Variants in RNF182 observed in about 807,000 individuals in gnomAD.
RNF182 encodes the protein ring finger protein 182, also known as E3 ubiquitin-protein ligase RNF182.
In RNF182, 15 loss-of-function variants were observed where a neutral mutation model predicts 14.4. The observed-to-expected ratio is 1.04, with a 90% CI of 0.70 to 1.60. RNF182 has a LOEUF of 1.60. RNF182 is among the 40% of genes most tolerant of loss of function. The probability of loss-of-function intolerance (pLI) is 0.00; values close to 1 mark genes in which losing one functional copy is unlikely to be tolerated. For synonymous variants in RNF182, 128 were observed against 122.9 expected, an observed-to-expected ratio of 1.04 and a Z score of -0.27; for missense variants, 268 against 294.8, an observed-to-expected ratio of 0.91 and a Z score of 0.67.
chr6:13,944,288 G>T (rs942115642), intron 1 of RNF182, among the ~76,000 whole-genome samples: 2 of 152,164 alleles, frequency 1.3e-5, no homozygotes, highest in Non-Finnish European at 2.9e-5. Flanking sequence ...AGTTATTTTG[G>T]CTTAAGAAAT....
chr6:13,978,166 G>A lies in RNF182; in HGVS notation c.*303G>A, dbSNP rs956652866. 2 of 310,654 alleles carry A rather than the reference G, an allele frequency of 6.4e-6. No individual in the cohort carries two copies. Among genetic ancestry groups the A allele is most frequent in the African/African-American group, 4.3e-5 (2 of 46,728 alleles). 19.2% of individuals were successfully genotyped at this position (310,654 alleles called of 1,614,324 possible). On this transcript the variant is annotated 3_prime_UTR_variant, in exon 3 of 3. Coordinates refer to ENST00000488300, the MANE Select transcript of RNF182 (RefSeq NM_152737.4). ...CAGACAGACGGCAGGGGTGTGGTGT[G>A]TTATACTATAGGGAGAGCATGGATC...
At chr6:13,973,775 T>C (rs773137461) in intron 1 of RNF182, among the ~76,000 whole-genome samples, 1 of 152,216 alleles carries the variant, frequency 6.6e-6, no homozygotes, top group Non-Finnish European at 1.5e-5. Flanking sequence ...ATTAGCAGCA[T>C]GAGAATGGAC....
At chr6:13,935,363 C>G (rs920181131) in intron 1 of RNF182, among the ~76,000 whole-genome samples, 1 of 151,864 alleles carries the variant, frequency 6.6e-6, no homozygotes, top group Non-Finnish European at 1.5e-5. Flanking sequence ...AGATGTAGTC[C>G]CCGTATGTTG....
At position 13,941,809 on chromosome 6, in the gene RNF182, G is replaced by C. The variant is rs145459475; in HGVS notation, c.-367+16786G>C. Reference sequence around the variant, plus strand: ...TGGTGTAGTGTTATTAGAATACTTTGACTCTATAAACCCCTTGCTCTTTTT... The same window carrying C: ...TGGTGTAGTGTTATTAGAATACTTTCACTCTATAAACCCCTTGCTCTTTTT... On this transcript the variant is annotated intron_variant, in intron 1 of 2. Coordinates refer to ENST00000488300, the MANE Select transcript of RNF182 (RefSeq NM_152737.4). Among the ~76,000 whole-genome samples the C allele has an allele frequency of 8.9e-4, 136 of 152,108 alleles. 1 individual carries two copies. The highest frequency in any genetic ancestry group is 1.4e-3 in the Non-Finnish European group (98 of 67,976).
intron 1 of RNF182, among the ~76,000 whole-genome samples, chr6:13,960,612 G>GGCT (rs1759845281): frequency 6.6e-6 from 1 of 152,010 alleles, no homozygotes; most frequent in Non-Finnish European, 1.5e-5. Flanking sequence ...TTTCAGCCAT[G>GGCT]GCTTTGGGAG....
At chr6:13,931,552 T>TG (rs1311228167) in intron 1 of RNF182, among the ~76,000 whole-genome samples, 1 of 152,074 alleles carries the variant, frequency 6.6e-6, no homozygotes, top group South Asian at 2.1e-4. Flanking sequence ...TGATAACTCC[T>TG]GGGGGGGAAA....
chr6:13,960,692 T>TGTGTGTGTGTGCGCGCGC (rs367625022), intron 1 of RNF182, among the ~76,000 whole-genome samples: 80 of 137,804 alleles, frequency 5.8e-4, no homozygotes, highest in African/African-American at 1.9e-3. Context: ...TGTGTGTGTG[T>TGTGTGTGTGTGCGCGCGC]GCGCGCGTGC....
At chr6:13,943,552 C>T (rs765169295) in intron 1 of RNF182, among the ~76,000 whole-genome samples, 28 of 152,140 alleles carry the variant, frequency 1.8e-4, no homozygotes, top group Non-Finnish European at 3.2e-4. Context: ...TATCTTACCG[C>T]CTTGGAACTG....
upstream of RNF182, chr6:13,924,704 G>C (rs145799352): frequency 1.3e-5 from 2 of 152,076 alleles, no homozygotes; most frequent in African/African-American, 4.8e-5. Context: ...GGCTCGCTCC[G>C]CTTTAGCCTT....
intron 1 of RNF182, among the ~76,000 whole-genome samples, chr6:13,965,152 C>G (rs1235003154): frequency 6.6e-6 from 1 of 152,168 alleles, no homozygotes; most frequent in African/African-American, 2.4e-5. Flanking sequence ...GCAGATGCAG[C>G]ACAAGAAGAC....
At chr6:13,933,484 A>T (rs941673789) in intron 1 of RNF182, among the ~76,000 whole-genome samples, 2 of 151,902 alleles carry the variant, frequency 1.3e-5, no homozygotes, top group East Asian at 1.9e-4. Context: ...TGATTATTCC[A>T]CTGCACTCCA....
intron 1 of RNF182, among the ~76,000 whole-genome samples, chr6:13,928,510 A>C (rs1435872640): frequency 6.6e-6 from 1 of 152,188 alleles, no homozygotes; most frequent in Non-Finnish European, 1.5e-5. Flanking sequence ...TTAATTTTGT[A>C]ATGTTTTTTT....
rs1362080723 is a variant in RNF182 at position 13,978,920 on chromosome 6, C to A, written c.*1057C>A. 4 of 167,146 alleles carry A rather than the reference C, an allele frequency of 2.4e-5. No individual in the cohort carries two copies. The East Asian group carries it at 7.7e-4, about 32-fold the overall frequency. The allele number at this position is 167,146 out of a possible 1,614,324, so 10.4% of individuals were successfully genotyped here. ...CTGAGAACCTAAGTATTTTGCTGTA[C>A]GGTACTGAGCTGTACCAAAATATGA... On this transcript the variant is annotated 3_prime_UTR_variant, in exon 3 of 3. Coordinates refer to ENST00000488300, the MANE Select transcript of RNF182 (RefSeq NM_152737.4).
chr6:13,972,803 G>T (rs1452876856), intron 1 of RNF182, among the ~76,000 whole-genome samples: 2 of 152,158 alleles, frequency 1.3e-5, no homozygotes, highest in Non-Finnish European at 2.9e-5. Context: ...CTGCAGGGGT[G>T]GGGCCCTCAT....
At chr6:13,938,267 T>C (rs1351258867) in intron 1 of RNF182, among the ~76,000 whole-genome samples, 2 of 143,728 alleles carry the variant, frequency 1.4e-5, no homozygotes, top group Non-Finnish European at 3.0e-5. Flanking sequence ...TCTGCCAACC[T>C]CGCCCTCCCA....
chr6:13,948,722 T>G (rs1489118232), intron 1 of RNF182, among the ~76,000 whole-genome samples: 1 of 152,178 alleles, frequency 6.6e-6, no homozygotes, highest in Non-Finnish European at 1.5e-5. Context: ...TGTTATAAAA[T>G]AGAATCTCAG....
intron 1 of RNF182, among the ~76,000 whole-genome samples, chr6:13,943,589 C>T (rs1183572627): frequency 3.9e-5 from 6 of 152,238 alleles, no homozygotes; most frequent in Non-Finnish European, 1.5e-5. Flanking sequence ...TGCCTGTCCC[C>T]CTCTGTGAAT....
At chr6:13,927,551 A>G (rs1278310871) in intron 1 of RNF182, among the ~76,000 whole-genome samples, 2 of 152,236 alleles carry the variant, frequency 1.3e-5, no homozygotes, top group South Asian at 2.1e-4. Flanking sequence ...ACCTGAAAGA[A>G]TTCTGTAATT....
intron 1 of RNF182, among the ~76,000 whole-genome samples, chr6:13,973,643 A>G (rs985363740): frequency 2.0e-5 from 3 of 152,142 alleles, no homozygotes; most frequent in South Asian, 2.1e-4. Flanking sequence ...CCGCCATGTA[A>G]GACATGCCTT....
Sources: gnomAD v4.1 joint callset for allele counts (sites outside exome capture counted in the v4.1 genomes callset) on GRCh38, gnomAD v4.1.1 for gene constraint, MANE v1.5 for transcripts, NCBI Gene and HGNC (gene_info 2026-07-23, HGNC 2026-07-21) for gene names.